The following BTBD9 variants were observed in gnomAD, a reference collection of about 807,000 sequenced individuals.
BTBD9 encodes BTB domain containing 9, also known as BTB/POZ domain-containing protein 9.
Under a neutral mutation model 64.3 loss-of-function variants are expected in BTBD9, and 49 were observed. The observed-to-expected ratio is 0.76, with a 90% CI of 0.61 to 0.97. The LOEUF (loss-of-function observed/expected upper bound fraction) is 0.97. Among genes scored for constraint, BTBD9 ranks in the 50% least tolerant of loss-of-function variants. The probability of loss-of-function intolerance (pLI) is 0.00; values close to 1 mark genes in which losing one functional copy is unlikely to be tolerated. For missense variants in BTBD9, 598 were observed against 762.1 expected (o/e 0.78, Z 2.53); for synonymous variants, 260 against 274.7 (o/e 0.95, Z 0.53).
chr6:38,565,260 T>C (rs34289297), intron 6 of BTBD9, among the ~76,000 whole-genome samples: 6 of 152,244 alleles, frequency 3.9e-5, no homozygotes, highest in African/African-American at 1.4e-4. Context: ...CTTGACGCTA[T>C]TGACATTTGC....
At chr6:38,617,705 G>A (rs1777839100) in intron 1 of BTBD9, among the ~76,000 whole-genome samples, 1 of 152,204 alleles carries the variant, frequency 6.6e-6, no homozygotes, top group Non-Finnish European at 1.5e-5. Flanking sequence ...ATGATGAGAA[G>A]TGAGGACAAA....
chr6:38,392,484 AG>A (rs1766463750), intron 6 of BTBD9, among the ~76,000 whole-genome samples: 1 of 152,294 alleles, frequency 6.6e-6, no homozygotes, highest in East Asian at 1.9e-4. Context: ...GCCTAAGAAA[AG>A]GGGGTGCTAC....
At chr6:38,385,792 T>C (rs1220336556) in intron 6 of BTBD9, among the ~76,000 whole-genome samples, 3 of 129,260 alleles carry the variant, frequency 2.3e-5, no homozygotes, top group South Asian at 2.4e-4. Flanking sequence ...AATAATATCA[T>C]ACTTTTTTTT....
chr6:38,568,274 C>A (rs1040870387), intron 6 of BTBD9, among the ~76,000 whole-genome samples: 5 of 152,164 alleles, frequency 3.3e-5, no homozygotes, highest in Non-Finnish European at 7.4e-5. Context: ...GTAATTCACA[C>A]ACAAAAAATC....
At chr6:38,239,257 T>C (rs1436458089) in intron 9 of BTBD9, among the ~76,000 whole-genome samples, 1 of 151,874 alleles carries the variant, frequency 6.6e-6, no homozygotes, top group Non-Finnish European at 1.5e-5. Context: ...CTGGCCAACA[T>C]GGTGAAACCC....
At chr6:38,511,849 G>C (rs902175009) in intron 6 of BTBD9, among the ~76,000 whole-genome samples, 5 of 152,132 alleles carry the variant, frequency 3.3e-5, no homozygotes, top group Non-Finnish European at 7.4e-5. Flanking sequence ...GCGCAGTTCT[G>C]GGAAGGACTT....
chr6:38,556,542 TGTGTGTGTGA>T (rs1215670340), intron 6 of BTBD9, among the ~76,000 whole-genome samples: 16 of 62,408 alleles, frequency 2.6e-4, no homozygotes, highest in South Asian at 5.3e-4. Context: ...TGTGTGTGTG[TGTGTGTGTGA>T]GAGAGAGAGA....
chr6:38,342,664 A>C (rs751271653), intron 7 of BTBD9, among the ~76,000 whole-genome samples: 28 of 152,062 alleles, frequency 1.8e-4, no homozygotes, highest in Non-Finnish European at 3.4e-4. Context: ...AGGGGAGTGC[A>C]TATTTCACAG....
intron 7 of BTBD9, among the ~76,000 whole-genome samples, chr6:38,326,241 G>GA (rs1350267624): frequency 1.3e-5 from 2 of 152,202 alleles, no homozygotes; most frequent in African/African-American, 4.8e-5. Flanking sequence ...TGTGGTCAGA[G>GA]AATGAATGGT....
chr6:38,257,530 G>A (rs1342593027), intron 8 of BTBD9, among the ~76,000 whole-genome samples: 1 of 150,918 alleles, frequency 6.6e-6, no homozygotes, highest in African/African-American at 2.4e-5. Context: ...TCTAATTGAT[G>A]ATAACCCCAT....
intron 6 of BTBD9, among the ~76,000 whole-genome samples, chr6:38,530,380 T>C (rs1773737654): frequency 6.6e-6 from 1 of 152,180 alleles, no homozygotes; most frequent in South Asian, 2.1e-4. Flanking sequence ...TTGAAGCATG[T>C]GATCTTTATA....
At chr6:38,451,085 C>T (rs1769520635) in intron 6 of BTBD9, among the ~76,000 whole-genome samples, 1 of 152,110 alleles carries the variant, frequency 6.6e-6, no homozygotes, top group East Asian at 1.9e-4. Context: ...TCTGCTTTTC[C>T]AATCACATAT....
chr6:38,456,623 T>C (rs938878761), intron 6 of BTBD9, among the ~76,000 whole-genome samples: 1 of 152,182 alleles, frequency 6.6e-6, no homozygotes, highest in Non-Finnish European at 1.5e-5. Context: ...ATAATGGGCA[T>C]CTTTTCATGT....
At chr6:38,483,578 C>A (rs1357784958) in intron 6 of BTBD9, among the ~76,000 whole-genome samples, 2 of 152,120 alleles carry the variant, frequency 1.3e-5, no homozygotes, top group African/African-American at 2.4e-5. Flanking sequence ...ACTATCAAGT[C>A]CCTGTAGGAC....
chr6:38,187,545 A>G (rs1761870489), intron 10 of BTBD9, among the ~76,000 whole-genome samples: 1 of 152,156 alleles, frequency 6.6e-6, no homozygotes, highest in Admixed American at 6.5e-5. Flanking sequence ...GGTAAAGAAA[A>G]AGCCACACGT....
rs191755217 is a variant in BTBD9 at position 38,582,754 on chromosome 6, C to T, written c.815-2317G>A. Among the ~76,000 whole-genome samples the T allele has an allele frequency of 9.1e-4, 139 of 152,334 alleles. 4 individuals carry two copies. In the East Asian group the frequency reaches 0.017, roughly 18 times the overall value. ...CCCCCCTTGAGTAAGGCCTGTTAGT[C>T]TCTCTGAATCTGCTTTCTCATCTAA... On this transcript the variant is annotated intron_variant, in intron 4 of 10. Transcript: ENST00000481247.
In BTBD9 at chr6:38,337,567, T is replaced by C. The variant is rs534557479; in HGVS notation, c.1264+7417A>G. The stretch of plus-strand genomic sequence containing the variant: ...TTACTAGGCAAGAGATACGTTCAGT[T>C]CCTTTGCAGCCCAAATCAATACTTA... On this transcript the variant is annotated intron_variant, in intron 7 of 10. Coordinates refer to ENST00000481247, the MANE Select transcript of BTBD9 (RefSeq NM_001099272.2). Among the ~76,000 whole-genome samples, 3 of 152,354 alleles carry C rather than the reference T, an allele frequency of 2.0e-5. No homozygotes were observed. The South Asian group carries it at 6.2e-4, about 32-fold the overall frequency.
chr6:38,424,370 T>C (rs1303059605), intron 6 of BTBD9, among the ~76,000 whole-genome samples: 4 of 151,896 alleles, frequency 2.6e-5, no homozygotes, highest in African/African-American at 9.7e-5. Context: ...AGAAAAAATA[T>C]AATACCGCCC....
intron 9 of BTBD9, among the ~76,000 whole-genome samples, chr6:38,231,509 T>C (rs1438227507): frequency 6.6e-6 from 1 of 152,198 alleles, no homozygotes; most frequent in Non-Finnish European, 1.5e-5. Context: ...TTGCCCAATA[T>C]AACATTAAGG....
Sources: allele counts gnomAD v4.1 joint callset (sites outside exome capture counted in the v4.1 genomes callset), GRCh38; gene constraint gnomAD v4.1.1; transcripts MANE v1.5; gene names NCBI Gene and HGNC (gene_info 2026-07-23, HGNC 2026-07-21).